The following RTL10 variants were observed in gnomAD, a reference collection of about 807,000 sequenced individuals.
RTL10 encodes the protein protein Bop.
For synonymous variants in RTL10, 199 were observed against 188.4 expected (o/e 1.06, Z -0.46); for missense variants, 477 against 470.7 (o/e 1.01, Z -0.12).
chr22:19,846,423 G>A lies in RTL10; in HGVS notation c.*4744C>T. 5.1e-6 allele frequency: 5 copies of A among 985,270 alleles called. No individual in the cohort carries two copies. The highest frequency in any genetic ancestry group is 6.0e-6 in the Non-Finnish European group (5 of 829,792). 61.0% of individuals were successfully genotyped at this position (985,270 alleles called of 1,614,324 possible). A position where few individuals can be genotyped will look rare whatever the true frequency, so the allele number is the denominator to read the frequency against. ...GGGCACTGCCTACTCAACAGCCAAG[G>A]CTTGGCCATCCCCACTCCTCAGTAT... On this transcript the variant is annotated 3_prime_UTR_variant, in exon 3 of 3. Transcript: ENST00000328554.
intron 2 of RTL10, among the ~76,000 whole-genome samples, chr22:19,853,196 C>A (rs1025243736): frequency 6.6e-6 from 1 of 152,114 alleles, no homozygotes; most frequent in Non-Finnish European, 1.5e-5. Flanking sequence ...TTTCCACAGT[C>A]CCCATCCCAG....
At position 19,847,456 on chromosome 22, in the gene RTL10, C is replaced by G; in HGVS notation, c.*3711G>C. On this transcript the variant is annotated 3_prime_UTR_variant, in exon 3 of 3. Transcript: ENST00000328554. ...GAGGGCCCAGACCCCAGCCAAGGCA[C>G]TGCATGGGCATCATTCTCATTCAAC... 2.0e-6 allele frequency: 2 copies of G among 985,440 alleles called. No homozygotes were observed. The highest frequency in any genetic ancestry group is 2.4e-6 in the Non-Finnish European group (2 of 829,942). The allele number at this position is 985,440 out of a possible 1,614,324, so 61.0% of individuals were successfully genotyped here. A position where few individuals can be genotyped will look rare whatever the true frequency, so the allele number is the denominator to read the frequency against.
At position 19,849,129 on chromosome 22, in the gene RTL10, A is replaced by G; in HGVS notation, c.*2038T>C. 1 of 985,426 alleles carries G rather than the reference A, an allele frequency of 1.0e-6. No homozygotes were observed. The highest frequency in any genetic ancestry group is 1.2e-6 in the Non-Finnish European group (1 of 829,912). 61.0% of individuals were successfully genotyped at this position (985,426 alleles called of 1,614,324 possible). ...CAGGGACTTCTCACATCTGACCAGAATCAAGACTGAAAATGGGTTTCTTCT... is the reference window on the plus strand; with the variant it reads ...CAGGGACTTCTCACATCTGACCAGAGTCAAGACTGAAAATGGGTTTCTTCT... On this transcript the variant is annotated 3_prime_UTR_variant, in exon 3 of 3. Coordinates refer to ENST00000328554, the MANE Select transcript of RTL10 (RefSeq NM_024627.6).
In RTL10 at chr22:19,847,803, G is replaced by GAAAA. The variant is rs1468350618; in HGVS notation, c.*3363_*3364insTTTT. The GAAAA allele has an allele frequency of 4.1e-3, 1,816 of 440,168 alleles. 82 individuals are homozygous for GAAAA. The African/African-American group carries it at 0.075, about 18-fold the overall frequency. The allele number at this position is 440,168 out of a possible 1,614,324, so 27.3% of individuals were successfully genotyped here. On this transcript the variant is annotated 3_prime_UTR_variant, in exon 3 of 3. Coordinates refer to ENST00000328554, the MANE Select transcript of RTL10 (RefSeq NM_024627.6). ...AACTTTTAAAATCCTGGAATCATAGGCAAAAAAAAAAAAAAAAAAAAATTC... is the reference window on the plus strand; with the variant it reads ...AACTTTTAAAATCCTGGAATCATAGGAAAACAAAAAAAAAAAAAAAAAAAAATTC...
In RTL10 at chr22:19,851,256, CCTCT is replaced by C. The variant is rs1215709362; in HGVS notation, c.1002_1005del (p.Gly336ThrfsTer6). 2 of 1,608,698 alleles carry C rather than the reference CCTCT, an allele frequency of 1.2e-6. No homozygotes were observed. The highest frequency in any genetic ancestry group is 1.1e-5 in the South Asian group (1 of 90,378). ...GTACCTAAGGACACCTCCTGGTCTC[CCTCT>C]GTCTCCAAAACCTCCTCCTCTGTTT... On this transcript the variant is annotated frameshift_variant, in exon 3 of 3. Coordinates refer to ENST00000328554, the MANE Select transcript of RTL10 (RefSeq NM_024627.6). LOFTEE classifies it low-confidence loss of function (END_TRUNC).
intron 2 of RTL10, 114 bp from the exon 3 acceptor site, chr22:19,852,600 A>G (rs11704009): frequency 0.22 from 59,933 of 275,798 alleles, 11,274 homozygotes; most frequent in African/African-American, 0.62. Flanking sequence ...GGAGCTTTGA[A>G]TGGAAGGAGG....
In RTL10 at chr22:19,852,229, AG is replaced by A. The variant is rs761606734; in HGVS notation, c.32del (p.Pro11LeufsTer72). Reference sequence around the variant, plus strand: ...TGGCGGCTGCCCAGATGGGAATGCGAGGGCCCTGCTGACGGCACCGGCCACG... The same window carrying A: ...TGGCGGCTGCCCAGATGGGAATGCGAGGCCCTGCTGACGGCACCGGCCACG... MPRGRCRQQG[P>X]RIPIWAAANY... On this transcript the variant is annotated frameshift_variant, in exon 3 of 3. Transcript: ENST00000328554. LOFTEE classifies it low-confidence loss of function (END_TRUNC). 1.2e-6 allele frequency: 2 copies of A among 1,611,934 alleles called. No individual in the cohort carries two copies. The highest frequency in any genetic ancestry group is 3.3e-5 in the Admixed American group (2 of 59,954).
rs754341627 is a variant in RTL10 at position 19,851,586 on chromosome 22, C to T, written c.676G>A (p.Asp226Asn). The change falls in exon 3 of 3, where the codon GAC becomes AAC. Residue 226 changes from aspartate to asparagine, a missense_variant. Physicochemically the swap from Asp to Asn is conservative, Grantham distance 23. Coordinates refer to ENST00000328554, the MANE Select transcript of RTL10 (RefSeq NM_024627.6). Reference protein sequence around the residue: ...LARFLEGLALDMGTAPRSLPA... With the variant: ...LARFLEGLALNMGTAPRSLPA... ...AAAGACCTGGGGGCAGTACCCATGT[C>T]GAGTGCCAGGCCCTCTAAGAACCTA... 2.1e-5 allele frequency: 33 copies of T among 1,603,838 alleles called. No homozygotes were observed. The highest frequency in any genetic ancestry group is 3.3e-4 in the Middle Eastern group (2 of 6,042).
chr22:19,851,531 G>A lies in RTL10; in HGVS notation c.731C>T (p.Ser244Phe). The change falls in exon 3 of 3, where the codon TCT becomes TTT. Residue 244 changes from serine (S) to phenylalanine (F), a missense_variant. Transcript: ENST00000328554. ...ACTTCTAGATACAGAGTTGGACCCA[G>A]ACACAGCAGGGGTGGCCATGGCGGC... ...LPAAMATPAV[S>F]GSNSVSRSAL... 6 of 1,614,068 alleles carry A rather than the reference G, an allele frequency of 3.7e-6. No homozygotes were observed. Among genetic ancestry groups the A allele is most frequent in the East Asian group, 2.2e-5 (1 of 44,880 alleles).
In RTL10 at chr22:19,849,385, T is replaced by TGGG. The variant is rs35700921; in HGVS notation, c.*1779_*1781dup. ...TTGTTTTTTGTTGTTTTTTTTTTTTTGGGATGGAGTTTCACTCTTGTTGTC... is the reference window on the plus strand; with the variant it reads ...TTGTTTTTTGTTGTTTTTTTTTTTTTGGGGGGATGGAGTTTCACTCTTGTTGTC... On this transcript the variant is annotated 3_prime_UTR_variant, in exon 3 of 3. Transcript: ENST00000328554. 4,030 of 762,338 alleles carry TGGG rather than the reference T, an allele frequency of 5.3e-3. 16 individuals are homozygous for TGGG. The highest frequency in any genetic ancestry group is 0.01 in the Middle Eastern group (15 of 1,492). 47.2% of individuals were successfully genotyped at this position (762,338 alleles called of 1,614,324 possible).
At position 19,850,466 on chromosome 22, in the gene RTL10, G is replaced by C. The variant is rs1234127597; in HGVS notation, c.*701C>G. On this transcript the variant is annotated 3_prime_UTR_variant, in exon 3 of 3. Transcript: ENST00000328554. ...TGCTTCAGAACACCAGGCACGATTA[G>C]AGCTACAGTGTTAACACACAAAGGG... The C allele has an allele frequency of 9.9e-7, 1 of 1,007,200 alleles. No homozygotes were observed. Among genetic ancestry groups the C allele is most frequent in the African/African-American group, 1.7e-5 (1 of 58,164 alleles). 62.4% of individuals were successfully genotyped at this position (1,007,200 alleles called of 1,614,324 possible). A position where few individuals can be genotyped will look rare whatever the true frequency, so the allele number is the denominator to read the frequency against.
In RTL10 at chr22:19,850,764, C is replaced by G; in HGVS notation, c.*403G>C. On this transcript the variant is annotated 3_prime_UTR_variant, in exon 3 of 3. Coordinates refer to ENST00000328554, the MANE Select transcript of RTL10 (RefSeq NM_024627.6). ...AGGAACGAGGTCCCAACAGGGCAGACGTGGCAGACCCAGTTCAGTCCCAGC... is the reference window on the plus strand; with the variant it reads ...AGGAACGAGGTCCCAACAGGGCAGAGGTGGCAGACCCAGTTCAGTCCCAGC... The G allele has an allele frequency of 8.0e-7, 1 of 1,248,520 alleles. No homozygotes were observed. The highest frequency in any genetic ancestry group is 1.0e-6 in the Non-Finnish European group (1 of 998,522). The allele number at this position is 1,248,520 out of a possible 1,614,324, so 77.3% of individuals were successfully genotyped here. A position where few individuals can be genotyped will look rare whatever the true frequency, so the allele number is the denominator to read the frequency against.
At position 19,851,994 on chromosome 22, in the gene RTL10, G is replaced by A. The variant is rs146819542; in HGVS notation, c.268C>T (p.Arg90Ter). ...GPLAGHMPSSRPHRVDFCWVP... is the reference protein window; with the variant it reads ...GPLAGHMPSS The stretch of plus-strand genomic sequence containing the variant: ...CAGCAGAAGTCCACCCTGTGGGGTC[G>A]GGAGCTGGGCATGTGCCCAGCTAGG... Residue 90 changes from arginine to a stop codon, truncating the protein, a stop_gained, in exon 3 of 3, where the codon CGA (arginine) becomes TGA (stop). Transcript: ENST00000328554. LOFTEE classifies it low-confidence loss of function (END_TRUNC). The A allele has an allele frequency of 1.1e-4, 180 of 1,614,156 alleles. No homozygotes were observed. The East Asian group carries it at 2.9e-3, about 26-fold the overall frequency.
Position 19,850,252 on chromosome 22 carries a change from T to G in RTL10, c.*915A>C. On this transcript the variant is annotated 3_prime_UTR_variant, in exon 3 of 3. Coordinates refer to ENST00000328554, the MANE Select transcript of RTL10 (RefSeq NM_024627.6). Reference sequence around the variant, plus strand: ...CCACCTCAGCCAGTAATCCAACACGTGTTTAATGAGCACCAATTGTGTACC... The same window carrying G: ...CCACCTCAGCCAGTAATCCAACACGGGTTTAATGAGCACCAATTGTGTACC... 1.0e-6 allele frequency: 1 copy of G among 985,306 alleles called. No individual in the cohort carries two copies. The highest frequency in any genetic ancestry group is 5.2e-4 in the Middle Eastern group (1 of 1,914). The allele number at this position is 985,306 out of a possible 1,614,324, so 61.0% of individuals were successfully genotyped here.
chr22:19,848,287 TCC>T lies in RTL10; in HGVS notation c.*2878_*2879del, dbSNP rs1938013455. 2 of 985,302 alleles carry T rather than the reference TCC, an allele frequency of 2.0e-6. No homozygotes were observed. The highest frequency in any genetic ancestry group is 1.7e-5 in the African/African-American group (1 of 57,226). 61.0% of individuals were successfully genotyped at this position (985,302 alleles called of 1,614,324 possible). On this transcript the variant is annotated 3_prime_UTR_variant, in exon 3 of 3. Transcript: ENST00000328554. Reference sequence around the variant, plus strand: ...AAAGCAGAGCCAGCACCATGGCCCGTCCCTGAGCATGTCCAGCAAACCCTGCC... The same window carrying T: ...AAAGCAGAGCCAGCACCATGGCCCGTCTGAGCATGTCCAGCAAACCCTGCC...
At position 19,851,079 on chromosome 22, in the gene RTL10, A is replaced by C; in HGVS notation, c.*88T>G. 2.7e-6 allele frequency: 4 copies of C among 1,477,616 alleles called. No homozygotes were observed. The highest frequency in any genetic ancestry group is 3.6e-6 in the Non-Finnish European group (4 of 1,112,692). 91.5% of individuals were successfully genotyped at this position (1,477,616 alleles called of 1,614,324 possible). ...GGGTCTGAAGTCATCTGGGGACACC[A>C]CTCTGCTCTGACTGGGGACTATGGG... On this transcript the variant is annotated 3_prime_UTR_variant, in exon 3 of 3. Coordinates refer to ENST00000328554, the MANE Select transcript of RTL10 (RefSeq NM_024627.6).
rs368961068 is a variant in RTL10 at position 19,851,778 on chromosome 22, G to C, written c.484C>G (p.Leu162Val). The C allele has an allele frequency of 1.9e-6, 3 of 1,613,438 alleles. No individual in the cohort carries two copies. The highest frequency in any genetic ancestry group is 2.7e-5 in the African/African-American group (2 of 74,944). The change falls in exon 3 of 3, where the codon CTG (leucine) becomes GTG (valine). Residue 162 changes from leucine to valine, a missense_variant. Transcript: ENST00000328554. ...AGCTCGTAATCGTCAGGCAGGGGCA[G>C]GTCCCCATCAAGGTAGGGGGCTGCC... is the stretch of plus-strand genomic sequence containing the variant. Reference protein sequence around the residue: ...AWAAPYLDGDLPLPDDYELFC... With the variant: ...AWAAPYLDGDVPLPDDYELFC...
rs941148221 is a variant in RTL10, at chr22:19,849,865, C to T, written c.*1302G>A. On this transcript the variant is annotated 3_prime_UTR_variant, in exon 3 of 3. Transcript: ENST00000328554. ...GTGGGCACACACTGCACACACTGGG[C>T]GGCTGTACCTGCCTATCCTGTGGTA... The T allele has an allele frequency of 1.1e-5, 11 of 985,292 alleles. No individual in the cohort carries two copies. The South Asian group carries it at 1.9e-4, about 17-fold the overall frequency. 61.0% of individuals were successfully genotyped at this position (985,292 alleles called of 1,614,324 possible).
At chr22:19,853,566 A>T (rs575226200) in intron 2 of RTL10, among the ~76,000 whole-genome samples, 1 of 152,146 alleles carries the variant, frequency 6.6e-6, no homozygotes, top group African/African-American at 2.4e-5. Flanking sequence ...ACACACCTTC[A>T]TCCCACATCT....
Sources: gnomAD v4.1 joint callset for allele counts (sites outside exome capture counted in the v4.1 genomes callset) on GRCh38, gnomAD v4.1.1 for gene constraint, MANE v1.5 for transcripts, NCBI Gene and HGNC (gene_info 2026-07-23, HGNC 2026-07-21) for gene names.